CHSY1: variants seen among roughly 807,000 people sequenced by gnomAD.
CHSY1 encodes N-acetylgalactosaminyl-proteoglycan 3-beta-glucuronosyltransferase 1.
In CHSY1, 13 loss-of-function variants were observed where a neutral mutation model predicts 59.8. The ratio of observed to expected loss-of-function variants is 0.22; its 90% confidence interval spans 0.14 to 0.35. The LOEUF (loss-of-function observed/expected upper bound fraction) is 0.35, where lower values mean the gene tolerates loss of function less well. CHSY1 is among the 10% of genes least tolerant of loss of function. The pLI is 1.00. For missense variants in CHSY1, 947 were observed against 1,030.6 expected (o/e 0.92, Z 1.11); for synonymous variants, 459 against 401.2 (o/e 1.14, Z -1.72).
chr15:101,197,019 T>C (rs146752747), intron 2 of CHSY1, among the ~76,000 whole-genome samples: 50 of 152,364 alleles, frequency 3.3e-4, no homozygotes, highest in African/African-American at 1.2e-3. Context: ...ACTTCACAAG[T>C]ATACATCTAT....
At position 101,177,631 on chromosome 15, in the gene CHSY1, G is replaced by C. The variant is rs1463270386; in HGVS notation, c.2166C>G (p.Asp722Glu). The C allele has an allele frequency of 6.2e-7, 1 of 1,614,018 alleles. No individual in the cohort carries two copies. The highest frequency in any genetic ancestry group is 1.3e-5 in the African/African-American group (1 of 74,902). The part of the protein sequence containing the change: ...SIQGWGLEDV[D>E]LFNKVVQAGL... ...CTGCCTGGACAACCTTGTTGAAAAGGTCCACATCCTCCAGCCCCCAGCCTT... is the reference window on the plus strand; with the variant it reads ...CTGCCTGGACAACCTTGTTGAAAAGCTCCACATCCTCCAGCCCCCAGCCTT... The change falls in exon 3 of 3, where the codon GAC becomes GAG. Residue 722 changes from aspartate to glutamate, a missense_variant. By Grantham distance (45) the Asp-to-Glu change is conservative (BLOSUM62 2). Transcript: ENST00000254190.
chr15:101,177,123 C>G lies in CHSY1; in HGVS notation c.*265G>C. On this transcript the variant is annotated 3_prime_UTR_variant, in exon 3 of 3. Transcript: ENST00000254190. ...TGGAGCAAAGGGTCTCAAAAGAAAA[C>G]ATTTTTTTAAAAAAGTTTTGTTCAT... 2.7e-6 allele frequency: 1 copy of G among 370,340 alleles called. No homozygotes were observed. The highest frequency in any genetic ancestry group is 4.9e-6 in the Non-Finnish European group (1 of 205,208). 22.9% of individuals were successfully genotyped at this position (370,340 alleles called of 1,614,324 possible).
At chr15:101,201,367 G>A (rs1470434890) in intron 2 of CHSY1, among the ~76,000 whole-genome samples, 1 of 152,206 alleles carries the variant, frequency 6.6e-6, no homozygotes, top group Non-Finnish European at 1.5e-5. Context: ...AGGCATCCTG[G>A]CAGGAGGAAC....
chr15:101,227,370 C>T (rs748788284), intron 2 of CHSY1, among the ~76,000 whole-genome samples: 1 of 152,126 alleles, frequency 6.6e-6, no homozygotes, highest in African/African-American at 2.4e-5. Flanking sequence ...ATTGCAAACA[C>T]CTTCTTGGAA....
intron 2 of CHSY1, among the ~76,000 whole-genome samples, chr15:101,198,547 G>A (rs979851193): frequency 1.3e-5 from 2 of 152,198 alleles, no homozygotes; most frequent in African/African-American, 4.8e-5. Context: ...TACTTTCCGA[G>A]TGGCATTTTA....
At chr15:101,201,072 C>A (rs955146511) in intron 2 of CHSY1, among the ~76,000 whole-genome samples, 1 of 151,756 alleles carries the variant, frequency 6.6e-6, no homozygotes, top group Admixed American at 6.6e-5. Context: ...CTGCCCACTG[C>A]CCTCCCAGGG....
At chr15:101,243,258 G>A (rs2039020061) in intron 1 of CHSY1, among the ~76,000 whole-genome samples, 2 of 152,204 alleles carry the variant, frequency 1.3e-5, no homozygotes. Context: ...AATGACAGAA[G>A]ACGAATTCTG....
intron 2 of CHSY1, among the ~76,000 whole-genome samples, chr15:101,200,882 C>T (rs1257505861): frequency 6.6e-6 from 1 of 152,118 alleles, no homozygotes; most frequent in Non-Finnish European, 1.5e-5. Context: ...TTCCAGCCAC[C>T]CCTCCTCCCT....
chr15:101,214,647 AT>A (rs1191805035), intron 2 of CHSY1, among the ~76,000 whole-genome samples: 1 of 150,808 alleles, frequency 6.6e-6, no homozygotes, highest in African/African-American at 2.4e-5. Context: ...ATGGAGGTGG[AT>A]TTCTCATGCA....
At chr15:101,218,205 A>ATCCT (rs1230854811) in intron 2 of CHSY1, among the ~76,000 whole-genome samples, 1 of 152,266 alleles carries the variant, frequency 6.6e-6, no homozygotes, top group Non-Finnish European at 1.5e-5. Context: ...GCGACAGGAG[A>ATCCT]AGCCTGGAGA....
rs528206880 is a variant in CHSY1, at chr15:101,224,610, T to C, written c.816+10472A>G. On this transcript the variant is annotated intron_variant, in intron 2 of 2. Coordinates refer to ENST00000254190, the MANE Select transcript of CHSY1 (RefSeq NM_014918.5). ...CTGCCAAGTCTGGGGCCTAGAAATGTGCCCATCAGCAAGCACCTCAAGGGA... is the reference window on the plus strand; with the variant it reads ...CTGCCAAGTCTGGGGCCTAGAAATGCGCCCATCAGCAAGCACCTCAAGGGA... 5.9e-5 allele frequency among the ~76,000 whole-genome samples: 9 copies of C among 152,362 alleles called. No homozygotes were observed. The South Asian group carries it at 1.9e-3, about 32-fold the overall frequency.
intron 2 of CHSY1, among the ~76,000 whole-genome samples, chr15:101,182,369 C>T (rs1213132963): frequency 6.6e-6 from 1 of 152,150 alleles, no homozygotes; most frequent in Non-Finnish European, 1.5e-5. Flanking sequence ...CATTTCAAGC[C>T]TACATTTGCA....
intron 2 of CHSY1, among the ~76,000 whole-genome samples, chr15:101,194,953 T>C (rs1195161058): frequency 6.6e-6 from 1 of 152,192 alleles, no homozygotes; most frequent in Non-Finnish European, 1.5e-5. Flanking sequence ...ACATATGTCT[T>C]ATAACAGACT....
intron 1 of CHSY1, among the ~76,000 whole-genome samples, chr15:101,247,497 T>G (rs1423671710): frequency 6.6e-6 from 1 of 152,164 alleles, no homozygotes; most frequent in African/African-American, 2.4e-5. Flanking sequence ...CAGCAAGCCG[T>G]GTACTGCAGT....
intron 1 of CHSY1, among the ~76,000 whole-genome samples, chr15:101,249,796 T>A (rs189827364): frequency 4.0e-4 from 61 of 152,298 alleles, no homozygotes; most frequent in African/African-American, 1.4e-3. Flanking sequence ...ATTACAGGCG[T>A]GAGCCACGGC....
chr15:101,250,903 G>A (rs917540511), intron 1 of CHSY1, among the ~76,000 whole-genome samples: 3 of 152,118 alleles, frequency 2.0e-5, no homozygotes, highest in Non-Finnish European at 2.9e-5. Context: ...TACACCCAGC[G>A]AGGCCACACT....
chr15:101,209,786 G>A (rs1567096889), intron 2 of CHSY1, among the ~76,000 whole-genome samples: 1 of 152,198 alleles, frequency 6.6e-6, no homozygotes, highest in African/African-American at 2.4e-5. Context: ...GATACATAGT[G>A]GCATTCTTCA....
At chr15:101,179,617 G>A (rs1017936701) in intron 2 of CHSY1, among the ~76,000 whole-genome samples, 2 of 152,200 alleles carry the variant, frequency 1.3e-5, no homozygotes, top group East Asian at 1.9e-4. Flanking sequence ...TCCTGCGTAC[G>A]AGGAAGGTAC....
At chr15:101,216,141 G>A (rs2038729505) in intron 2 of CHSY1, among the ~76,000 whole-genome samples, 1 of 142,282 alleles carries the variant, frequency 7.0e-6, no homozygotes, top group African/African-American at 2.6e-5. Flanking sequence ...ACCTCAGCCT[G>A]GACTAAGCCA....
Sources: gnomAD v4.1 joint callset for allele counts (sites outside exome capture counted in the v4.1 genomes callset) on GRCh38, gnomAD v4.1.1 for gene constraint, MANE v1.5 for transcripts, NCBI Gene and HGNC (gene_info 2026-07-23, HGNC 2026-07-21) for gene names.